SLC39A11: variants seen among roughly 807,000 people sequenced by gnomAD.
SLC39A11 encodes zinc transporter ZIP11.
Under a neutral mutation model 36.1 loss-of-function variants are expected in SLC39A11, and 33 were observed. The ratio of observed to expected loss-of-function variants is 0.91; its 90% CI spans 0.69 to 1.22. SLC39A11 has a LOEUF of 1.22. Ranked by LOEUF, SLC39A11 falls within the 50% of genes most tolerant of loss-of-function variation. The pLI, the probability that SLC39A11 is intolerant of heterozygous loss-of-function variation, is 0.00. For missense variants in SLC39A11, 432 were observed against 430.3 expected (o/e 1.00, Z -0.03); for synonymous variants, 166 against 170.3 (o/e 0.97, Z 0.20).
intron 5 of SLC39A11, among the ~76,000 whole-genome samples, chr17:72,859,516 C>G (rs976190449): frequency 6.6e-6 from 1 of 151,962 alleles, no homozygotes; most frequent in African/African-American, 2.4e-5. Flanking sequence ...CGCTTGGGAA[C>G]CCAGGCAGGG....
At chr17:72,738,385 C>T (rs1344982139) in intron 6 of SLC39A11, among the ~76,000 whole-genome samples, 7 of 152,180 alleles carry the variant, frequency 4.6e-5, no homozygotes, top group Middle Eastern at 3.4e-3. Flanking sequence ...CAGACAGATG[C>T]GGTCTACACT....
chr17:72,804,186 C>T (rs972493944), intron 6 of SLC39A11, among the ~76,000 whole-genome samples: 1 of 152,080 alleles, frequency 6.6e-6, no homozygotes, highest in Non-Finnish European at 1.5e-5. Context: ...TTAGTAGAGA[C>T]GGGGTTTCAC....
intron 4 of SLC39A11, among the ~76,000 whole-genome samples, chr17:72,996,562 A>C (rs978442845): frequency 9.2e-5 from 14 of 152,108 alleles, no homozygotes; most frequent in Non-Finnish European, 1.9e-4. Flanking sequence ...GGCTCGTGGC[A>C]GCGTTACTCC....
intron 4 of SLC39A11, among the ~76,000 whole-genome samples, chr17:73,003,508 C>T (rs1408386304): frequency 3.3e-5 from 5 of 152,082 alleles, no homozygotes; most frequent in Non-Finnish European, 4.4e-5. Context: ...GACAAGACCC[C>T]AGGCTAGGAT....
At chr17:73,091,049 G>C (rs1446626187) in intron 1 of SLC39A11, among the ~76,000 whole-genome samples, 1 of 152,176 alleles carries the variant, frequency 6.6e-6, no homozygotes, top group Non-Finnish European at 1.5e-5. Flanking sequence ...TCTCACCCCA[G>C]ACTTTCTGAA....
chr17:72,725,217 T>C (rs1272589225), intron 7 of SLC39A11, among the ~76,000 whole-genome samples: 1 of 152,202 alleles, frequency 6.6e-6, no homozygotes, highest in Non-Finnish European at 1.5e-5. Flanking sequence ...TTTTTGGGTG[T>C]CTGGAAGTGA....
chr17:73,000,178 A>G (rs943645496), intron 4 of SLC39A11, among the ~76,000 whole-genome samples: 2 of 152,104 alleles, frequency 1.3e-5, no homozygotes, highest in Non-Finnish European at 2.9e-5. Context: ...GGATAGTCAG[A>G]CTATCTCAGA....
chr17:72,986,216 A>G (rs1323221812), intron 4 of SLC39A11, among the ~76,000 whole-genome samples: 2 of 152,096 alleles, frequency 1.3e-5, no homozygotes, highest in African/African-American at 4.8e-5. Flanking sequence ...CCCCAGTAAG[A>G]CTCCAGGGTC....
At chr17:72,941,166 C>T (rs963959213) in intron 5 of SLC39A11, among the ~76,000 whole-genome samples, 10 of 151,714 alleles carry the variant, frequency 6.6e-5, no homozygotes, top group Non-Finnish European at 1.3e-4. Context: ...CCAGCTACTC[C>T]GGGGGCTGAG....
At chr17:72,942,088 G>A (rs1265466955) in intron 5 of SLC39A11, among the ~76,000 whole-genome samples, 1 of 151,530 alleles carries the variant, frequency 6.6e-6, no homozygotes, top group Non-Finnish European at 1.5e-5. Flanking sequence ...AGAGACAGGG[G>A]TTTCACCATG....
chr17:72,968,319 C>T lies in SLC39A11; in HGVS notation c.307-20444G>A, dbSNP rs1484304218. ...GAGTTTGCCCAGGTTCCACCAGAGC[C>T]GAGACCAACTCACAGCAAAGTAGCT... On this transcript the variant is annotated intron_variant, in intron 4 of 9. Transcript: ENST00000255559. Among the ~76,000 whole-genome samples the T allele has an allele frequency of 2.6e-5, 4 of 152,268 alleles. No homozygotes were observed. In the South Asian group the frequency reaches 6.2e-4, roughly 24 times the overall value.
chr17:72,962,664 G>T (rs1189480379), intron 4 of SLC39A11, among the ~76,000 whole-genome samples: 2 of 152,084 alleles, frequency 1.3e-5, no homozygotes, highest in African/African-American at 4.8e-5. Flanking sequence ...AGCTTCCCAA[G>T]TAGCTGGGAC....
At chr17:73,040,346 C>A (rs535666612) in intron 3 of SLC39A11, among the ~76,000 whole-genome samples, 1 of 152,322 alleles carries the variant, frequency 6.6e-6, no homozygotes, top group African/African-American at 2.4e-5. Context: ...AGATGTTATA[C>A]TTTTGGTCTA....
chr17:73,007,298 A>G (rs2880885), intron 4 of SLC39A11, among the ~76,000 whole-genome samples: 142,670 of 152,240 alleles, frequency 0.94, 66,910 homozygotes, highest in South Asian at 0.97. Flanking sequence ...GCACATGCCT[A>G]TAATCCCAGC....
intron 7 of SLC39A11, among the ~76,000 whole-genome samples, chr17:72,681,988 C>A (rs995644232): frequency 3.3e-5 from 5 of 152,190 alleles, no homozygotes; most frequent in Admixed American, 3.3e-4. Context: ...GAAGCTTCAT[C>A]TGTATTGACA....
intron 5 of SLC39A11, among the ~76,000 whole-genome samples, chr17:72,879,553 C>A (rs543048973): frequency 6.6e-6 from 1 of 152,190 alleles, no homozygotes; most frequent in Non-Finnish European, 1.5e-5. Flanking sequence ...AAAGCTAACA[C>A]AAGCTCTGTG....
chr17:72,908,591 A>T (rs1238659722), intron 5 of SLC39A11, among the ~76,000 whole-genome samples: 1 of 152,144 alleles, frequency 6.6e-6, no homozygotes, highest in African/African-American at 2.4e-5. Flanking sequence ...ATCGAGGCGG[A>T]TGGGTTTCTT....
At chr17:72,733,985 G>A (rs894469310) in intron 7 of SLC39A11, among the ~76,000 whole-genome samples, 3 of 152,124 alleles carry the variant, frequency 2.0e-5, no homozygotes, top group Non-Finnish European at 4.4e-5. Context: ...CACAACACTG[G>A]CCCCGACCTG....
intron 4 of SLC39A11, among the ~76,000 whole-genome samples, chr17:72,998,914 A>G (rs191466058): frequency 6.6e-6 from 1 of 152,370 alleles, no homozygotes; most frequent in Non-Finnish European, 1.5e-5. Context: ...TGAGAAAGGC[A>G]GCAATTTTAA....
Sources: allele counts gnomAD v4.1 joint callset (sites outside exome capture counted in the v4.1 genomes callset), GRCh38; gene constraint gnomAD v4.1.1; transcripts MANE v1.5; gene names NCBI Gene and HGNC (gene_info 2026-07-23, HGNC 2026-07-21).